ERCC3: variants seen among roughly 807,000 people sequenced by gnomAD.
ERCC3 encodes ERCC excision repair 3, TFIIH core complex helicase subunit.
Under a neutral mutation model 94.2 loss-of-function variants are expected in ERCC3, and 66 were observed. That is an observed-to-expected ratio of 0.70 (90% CI 0.57 to 0.86). The LOEUF (loss-of-function observed/expected upper bound fraction) is 0.86. Ranked by LOEUF, ERCC3 falls within the 40% of genes least tolerant of loss-of-function variation. The pLI is 0.00. For missense variants in ERCC3, 829 were observed against 987.1 expected (o/e 0.84, Z 2.15); for synonymous variants, 349 against 369.1 (o/e 0.95, Z 0.63).
rs187570614 is a variant in ERCC3 at position 127,274,079 on chromosome 2, G to A, written c.1731-1118C>T. ...CTGTAATCCCAGCACTTTGGGAGGC[G>A]GAGGTGGGTGGATCACCTGAGGCCA... is the stretch of plus-strand genomic sequence containing the variant. On this transcript the variant is annotated intron_variant, in intron 10 of 14. Coordinates refer to ENST00000285398, the MANE Select transcript of ERCC3 (RefSeq NM_000122.2). This position sits in a 1 kb window ranked among gnomAD's most constrained non-coding sequence, Gnocchi z 4.0. Among the ~76,000 whole-genome samples, 355 of 151,340 alleles carry A rather than the reference G, an allele frequency of 2.3e-3. 1 individual carries two copies. Among genetic ancestry groups the A allele is most frequent in the African/African-American group, 7.8e-3 (321 of 41,230 alleles).
rs749209831 is a variant in ERCC3 at position 127,292,757 on chromosome 2, G to A, written c.324C>T (p.Cys108=). The part of the protein sequence containing the change: ...DFLVAIAEPV[C]RPTHVHEYKL... ...TGTACTCATGCACATGGGTTGGTCGGCACACTGGCTCTGCAATAGCCACCA... is the reference window on the plus strand; with the variant it reads ...TGTACTCATGCACATGGGTTGGTCGACACACTGGCTCTGCAATAGCCACCA... The change falls in exon 3 of 15, where the codon TGC becomes TGT. Residue 108 remains cysteine (C), a synonymous_variant. Transcript: ENST00000285398. 2 of 1,613,594 alleles carry A rather than the reference G, an allele frequency of 1.2e-6. No homozygotes were observed. The highest frequency in any genetic ancestry group is 1.3e-5 in the African/African-American group (1 of 74,908).
chr2:127,285,281 C>T (rs1458074881), intron 8 of ERCC3, among the ~76,000 whole-genome samples: 4 of 152,078 alleles, frequency 2.6e-5, no homozygotes, highest in Admixed American at 6.6e-5. Flanking sequence ...TCATGGTGGC[C>T]GAATGCAGTG....
chr2:127,289,257 C>T (rs1685183745), intron 6 of ERCC3, 80 bp downstream of exon 6: 1 of 1,289,602 alleles, frequency 7.8e-7, no homozygotes, highest in Non-Finnish European at 1.1e-6. Context: ...ACACAGACTA[C>T]AGGCAGAGTC....
chr2:127,268,993 T>C (rs1303966516), intron 12 of ERCC3, among the ~76,000 whole-genome samples: 1 of 152,214 alleles, frequency 6.6e-6, no homozygotes, highest in Non-Finnish European at 1.5e-5. Context: ...CTGAGATGGC[T>C]ACTAAGTGAC....
intron 12 of ERCC3, among the ~76,000 whole-genome samples, chr2:127,267,777 T>C (rs936575943): frequency 6.6e-6 from 1 of 152,176 alleles, no homozygotes; most frequent in Admixed American, 6.6e-5. Flanking sequence ...CTCTCAAGAC[T>C]CTCTTGTAGG....
Position 127,258,036 on chromosome 2 carries a change from G to A in ERCC3, c.2218-309C>T, listed in dbSNP as rs1684073025. Among the ~76,000 whole-genome samples the A allele has an allele frequency of 6.6e-6, 1 of 152,062 alleles. No homozygotes were observed. Among genetic ancestry groups the A allele is most frequent in the Non-Finnish European group, 1.5e-5 (1 of 68,030 alleles). ...TGGGATTTGAACACCCAGGTAGCCT[G>A]GCTTCAGACTGTTCTTAACCATAAT... On this transcript the variant is annotated intron_variant, in intron 14 of 14. Transcript: ENST00000285398. The surrounding 1 kb of genome is among the most constrained non-coding windows in gnomAD (Gnocchi z 4.1).
rs1452010407 is a variant in ERCC3 at position 127,259,443 on chromosome 2, G to A, written c.2070C>T (p.Ile690=). 1.9e-6 allele frequency: 3 copies of A among 1,614,108 alleles called. No homozygotes were observed. In the Admixed American group the frequency reaches 5.0e-5, roughly 27 times the overall value. The change falls in exon 14 of 15, where the codon ATC becomes ATT. Residue 690 remains isoleucine (I), a synonymous_variant. Transcript: ENST00000285398. This position sits in a 1 kb window ranked among gnomAD's most constrained non-coding sequence, Gnocchi z 4.9. The part of the protein sequence containing the change: ...LVDQGYSFKV[I]TKLAGMEEED... ...CCTCCTCCATGCCAGCGAGTTTCGT[G>A]ATCACCTGCAAAGCCCAAGCCAGCA...
Position 127,289,810 on chromosome 2 carries a change from C to G in ERCC3, c.536G>C (p.Ser179Thr). ...ATGCTGGATTACATCAGGGTGGCAACTTTCAACGAAGTATCTGCAAGCAGG... is the reference window on the plus strand; with the variant it reads ...ATGCTGGATTACATCAGGGTGGCAAGTTTCAACGAAGTATCTGCAAGCAGG... ...VLKHNRYFVE[S>T]CHPDVIQHLL... The change falls in exon 5 of 15, where the codon AGT becomes ACT. Residue 179 changes from serine (S) to threonine (T), a missense_variant. By Grantham distance (58) the Ser-to-Thr change is moderately conservative. Transcript: ENST00000285398. 6.2e-7 allele frequency: 1 copy of G among 1,614,112 alleles called. No individual in the cohort carries two copies. Among genetic ancestry groups the G allele is most frequent in the Non-Finnish European group, 8.5e-7 (1 of 1,180,008 alleles).
chr2:127,293,954 A>T (rs1158449986), intron 1 of ERCC3, 100 bp downstream of exon 1: 1 of 1,547,360 alleles, frequency 6.5e-7, no homozygotes, highest in Admixed American at 1.9e-5. Flanking sequence ...GAGGGCCAGC[A>T]GGGTCGGCCG....
rs116262235 is a variant in ERCC3, at chr2:127,264,517, T to G, written c.1946-3171A>C. 8.5e-5 allele frequency among the ~76,000 whole-genome samples: 13 copies of G among 152,338 alleles called. No individual in the cohort carries two copies. The highest frequency in any genetic ancestry group is 4.6e-4 in the Admixed American group (7 of 15,306). ...GTCTATTAGGATAATTATATGCTTT[T>G]CATTTTTAATTATGTGGTGAATCAT... is the stretch of plus-strand genomic sequence containing the variant. On this transcript the variant is annotated intron_variant, in intron 12 of 14. Transcript: ENST00000285398. This position sits in a 1 kb window ranked among gnomAD's most constrained non-coding sequence, Gnocchi z 4.4.
chr2:127,281,398 T>C (rs1684906939), intron 8 of ERCC3, among the ~76,000 whole-genome samples: 1 of 152,242 alleles, frequency 6.6e-6, no homozygotes, highest in Non-Finnish European at 1.5e-5. Context: ...CCTCTTTTTC[T>C]TCCTTTCTTT....
At chr2:127,285,693 A>G (rs4150423) in intron 8 of ERCC3, among the ~76,000 whole-genome samples, 5 of 151,478 alleles carry the variant, frequency 3.3e-5, no homozygotes, top group Admixed American at 3.3e-4. Context: ...TGTCTCAAAT[A>G]AAAAAAAATT....
chr2:127,281,768 A>C lies in ERCC3; in HGVS notation c.1343-1137T>G, dbSNP rs561634615. ...CACCACATGCAAACACACACACACA[A>C]ACACACACACACACACACAACACAG... On this transcript the variant is annotated intron_variant, in intron 8 of 14. Transcript: ENST00000285398. Among the ~76,000 whole-genome samples the C allele has an allele frequency of 1.5e-4, 23 of 150,234 alleles. No individual in the cohort carries two copies. The South Asian group carries it at 2.5e-3, about 17-fold the overall frequency.
Position 127,294,043 on chromosome 2 carries a change from CA to C in ERCC3, c.28+10del. 1.2e-6 allele frequency: 2 copies of C among 1,605,588 alleles called. No individual in the cohort carries two copies. The highest frequency in any genetic ancestry group is 1.7e-6 in the Non-Finnish European group (2 of 1,179,044). Reference sequence around the variant, plus strand: ...GCAGTCGTGGCTGAGCGTGCCCGCGCAACGTCTCACCGCGGTCCGCTCGGTC... The same window carrying C: ...GCAGTCGTGGCTGAGCGTGCCCGCGCACGTCTCACCGCGGTCCGCTCGGTC... On this transcript the variant is annotated intron_variant, in intron 1 of 14. Transcript: ENST00000285398.
chr2:127,293,749 G>A, intron 1 of ERCC3, 31 bp from the exon 2 acceptor site: 1 of 1,607,010 alleles, frequency 6.2e-7, no homozygotes, highest in Non-Finnish European at 8.5e-7. Flanking sequence ...AGTAAGCCCA[G>A]CAGGAGCCTT....
At chr2:127,267,501 A>G (rs1337455148) in intron 12 of ERCC3, among the ~76,000 whole-genome samples, 2 of 150,682 alleles carry the variant, frequency 1.3e-5, no homozygotes, top group African/African-American at 4.9e-5. Flanking sequence ...GTCCTGTTAC[A>G]TGTGAGAGAG....
intron 12 of ERCC3, among the ~76,000 whole-genome samples, chr2:127,265,741 C>T (rs115969547): frequency 3.3e-5 from 5 of 152,144 alleles, no homozygotes; most frequent in Admixed American, 6.5e-5. Context: ...AAAGAACCAG[C>T]TTTTTATTTC....
At chr2:127,286,477 T>G (rs1573956837) in intron 8 of ERCC3, among the ~76,000 whole-genome samples, 1 of 148,472 alleles carries the variant, frequency 6.7e-6, no homozygotes, top group African/African-American at 2.5e-5. Flanking sequence ...ACCTGGGAGG[T>G]GGAAGTTGTG....
Position 127,292,594 on chromosome 2 carries a change from C to G in ERCC3, c.471+16G>C, listed in dbSNP as rs1183267602. ...TAGCAGGGCAGGTGGAATTGCTGGT[C>G]TCAGCTGTCACTTGCCTTAATAAAC... is the stretch of plus-strand genomic sequence containing the variant. On this transcript the variant is annotated intron_variant, in intron 3 of 14. Transcript: ENST00000285398. 2.6e-6 allele frequency: 4 copies of G among 1,530,864 alleles called. No homozygotes were observed. Among genetic ancestry groups the G allele is most frequent in the Non-Finnish European group, 3.6e-6 (4 of 1,104,760 alleles). 94.8% of individuals were successfully genotyped at this position (1,530,864 alleles called of 1,614,324 possible). A position where few individuals can be genotyped will look rare whatever the true frequency, so the allele number is the denominator to read the frequency against.
Sources: allele counts gnomAD v4.1 joint callset (sites outside exome capture counted in the v4.1 genomes callset), GRCh38; gene constraint gnomAD v4.1.1; non-coding constraint Gnocchi (gnomAD v3.1); transcripts MANE v1.5; gene names NCBI Gene and HGNC (gene_info 2026-07-23, HGNC 2026-07-21).